ZNF473: variants seen among roughly 807,000 people sequenced by gnomAD.
ZNF473 encodes zinc finger protein 473, also known as zinc finger protein 100 homolog.
ZNF473 carries 4 observed loss-of-function variants against 11.1 expected under a neutral mutation model. The observed-to-expected ratio is 0.36, with a 90% confidence interval of 0.18 to 0.82. The LOEUF is 0.82. Among genes scored for constraint, ZNF473 ranks in the 40% least tolerant of loss-of-function variants. The probability of loss-of-function intolerance (pLI) is 0.49; values close to 1 mark genes in which losing one functional copy is unlikely to be tolerated. For missense variants in ZNF473, 854 were observed against 1,084.0 expected, an observed-to-expected ratio of 0.79 and a Z score of 2.98; for synonymous variants, 404 against 390.4, an observed-to-expected ratio of 1.03 and a Z score of -0.41.
chr19:50,036,825 A>G (rs1350799856), intron 2 of ZNF473, among the ~76,000 whole-genome samples: 1 of 152,190 alleles, frequency 6.6e-6, no homozygotes, highest in East Asian at 1.9e-4. Context: ...GACCCTCACC[A>G]GAGGCAGTCT....
chr19:50,030,277 G>A (rs918720501), intron 1 of ZNF473, among the ~76,000 whole-genome samples: 2 of 152,164 alleles, frequency 1.3e-5, no homozygotes, highest in African/African-American at 2.4e-5. Context: ...GGTGGCCCAC[G>A]AGGGCGGCTT....
chr19:50,026,883 G>A (rs543886535), intron 1 of ZNF473, among the ~76,000 whole-genome samples: 2 of 152,164 alleles, frequency 1.3e-5, no homozygotes, highest in Non-Finnish European at 2.9e-5. Context: ...TTTTGGTTTT[G>A]GTTGGGGAAG....
In ZNF473 at chr19:50,039,170, A is replaced by T; in HGVS notation, c.19A>T (p.Thr7Ser). The change falls in exon 3 of 5, where the codon ACC becomes TCC. Residue 7 changes from threonine (T) to serine (S), a missense_variant. Coordinates refer to ENST00000270617, the MANE Select transcript of ZNF473 (RefSeq NM_015428.4). The surrounding 1 kb of genome is among the most constrained non-coding windows in gnomAD (Gnocchi z 4.8). ...GTGTACTGTGTTTCAGGAATTTGTG[A>T]CCCTCAAGGATGTCGGCATGGACTT... MAEEFV[T>S]LKDVGMDFTL... 2 of 1,613,998 alleles carry T rather than the reference A, an allele frequency of 1.2e-6. No individual in the cohort carries two copies. Among genetic ancestry groups the T allele is most frequent in the Non-Finnish European group, 1.7e-6 (2 of 1,179,952 alleles).
At chr19:50,031,151 C>T in intron 2 of ZNF473, 60 bp downstream of exon 2, 1 of 1,552,380 alleles carries the variant, frequency 6.4e-7, no homozygotes, top group Admixed American at 1.9e-5. Context: ...AATTGGCCTT[C>T]CTTTGTGGCC....
intron 4 of ZNF473, among the ~76,000 whole-genome samples, chr19:50,043,734 T>TA (rs1398520556): frequency 6.6e-6 from 1 of 152,114 alleles, no homozygotes; most frequent in African/African-American, 2.4e-5. Context: ...GACCCTTTCA[T>TA]AACCTGTTAT....
At position 50,047,970 on chromosome 19, in the gene ZNF473, G is replaced by A. The variant is rs538585801; in HGVS notation, c.*911G>A. ...CTTAGGGGTCAAACCTGTGGTGTGT[G>A]GAAGTGACCACTGGGATGTCATCAT... On this transcript the variant is annotated 3_prime_UTR_variant, in exon 5 of 5. Coordinates refer to ENST00000270617, the MANE Select transcript of ZNF473 (RefSeq NM_015428.4). 9.2e-5 allele frequency: 14 copies of A among 152,320 alleles called. No individual in the cohort carries two copies. In the East Asian group the frequency reaches 2.1e-3, roughly 23 times the overall value. 9.4% of individuals were successfully genotyped at this position (152,320 alleles called of 1,614,324 possible).
intron 2 of ZNF473, among the ~76,000 whole-genome samples, chr19:50,032,977 C>T (rs1600752199): frequency 6.6e-6 from 1 of 152,184 alleles, no homozygotes; most frequent in South Asian, 2.1e-4. Context: ...TTAGGACCCA[C>T]CCTGATGACC....
Position 50,046,297 on chromosome 19 carries a change from G to A in ZNF473, c.1854G>A (p.Leu618=), listed in dbSNP as rs1979116790. The A allele has an allele frequency of 1.9e-6, 3 of 1,614,018 alleles. No individual in the cohort carries two copies. Among genetic ancestry groups the A allele is most frequent in the South Asian group, 1.1e-5 (1 of 91,082 alleles). ...HHQRIHSRVR[L]YKWGEQGKAI... ...AAAGAATCCACTCTAGAGTGAGGCTGTATAAATGGGGTGAGCAAGGGAAAG... is the reference window on the plus strand; with the variant it reads ...AAAGAATCCACTCTAGAGTGAGGCTATATAAATGGGGTGAGCAAGGGAAAG... Residue 618 remains leucine, a synonymous_variant, in exon 5 of 5, where the codon CTG becomes CTA. Transcript: ENST00000270617. The surrounding 1 kb of genome is among the most constrained non-coding windows in gnomAD (Gnocchi z 5.9).
intron 4 of ZNF473, chr19:50,042,211 C>T (rs1978816493): frequency 6.4e-6 from 1 of 155,144 alleles, no homozygotes; most frequent in African/African-American, 2.4e-5. Context: ...GCCCATTTTT[C>T]CTTCCTATCC....
intron 4 of ZNF473, among the ~76,000 whole-genome samples, chr19:50,044,310 C>A (rs541589827): frequency 6.6e-6 from 1 of 151,962 alleles, no homozygotes; most frequent in Non-Finnish European, 1.5e-5. Flanking sequence ...GTGGGGAGAG[C>A]GGGGTGTTGT....
intron 2 of ZNF473, among the ~76,000 whole-genome samples, chr19:50,032,204 C>T (rs773080856): frequency 1.2e-4 from 18 of 150,486 alleles, no homozygotes; most frequent in South Asian, 2.1e-4. Context: ...CCTTGTCCAG[C>T]GCAGTCTGGG....
Position 50,046,670 on chromosome 19 carries a change from G to A in ZNF473, c.2227G>A (p.Ala743Thr). The change falls in exon 5 of 5, where the codon GCT becomes ACT. Residue 743 changes from alanine to threonine, a missense_variant. Coordinates refer to ENST00000270617, the MANE Select transcript of ZNF473 (RefSeq NM_015428.4). The surrounding 1 kb of genome is among the most constrained non-coding windows in gnomAD (Gnocchi z 5.9). Reference protein sequence around the residue: ...DYCGKAFGLSAELVRHQRIHT... With the variant: ...DYCGKAFGLSTELVRHQRIHT... ...CTGCGGGAAGGCCTTCGGCCTGAGT[G>A]CTGAGCTTGTCCGCCACCAGAGAAT... 1 of 1,614,158 alleles carries A rather than the reference G, an allele frequency of 6.2e-7. No homozygotes were observed. The highest frequency in any genetic ancestry group is 1.1e-5 in the South Asian group (1 of 91,076).
At chr19:50,035,452 C>CGTGTGTGTGTGTGTGTGTGTGTGTGTGT (rs3222106) in intron 2 of ZNF473, among the ~76,000 whole-genome samples, 2 of 138,394 alleles carry the variant, frequency 1.4e-5, no homozygotes, top group Admixed American at 7.3e-5. Context: ...TTCTTTCATA[C>CGTGTGTGTGTGTGTGTGTGTGTGTGTGT]GTGTGTGTGT....
rs1227053802 is a variant in ZNF473, at chr19:50,046,798, C to T, written c.2355C>T (p.Pro785=). The change falls in exon 5 of 5, where the codon CCC becomes CCT. Residue 785 remains proline (P), a synonymous_variant. Coordinates refer to ENST00000270617, the MANE Select transcript of ZNF473 (RefSeq NM_015428.4). This position sits in a 1 kb window ranked among gnomAD's most constrained non-coding sequence, Gnocchi z 5.9. Reference sequence around the variant, plus strand: ...GGAGAGTTCACACTGGGGAGAAGCCCTACAGATGTGGTGAATGTGGGAAAG... The same window carrying T: ...GGAGAGTTCACACTGGGGAGAAGCCTTACAGATGTGGTGAATGTGGGAAAG... ...IHRRVHTGEK[P]YRCGECGKAF... 6.2e-7 allele frequency: 1 copy of T among 1,614,138 alleles called. No homozygotes were observed. Among genetic ancestry groups the T allele is most frequent in the East Asian group, 2.2e-5 (1 of 44,888 alleles).
Position 50,046,213 on chromosome 19 carries a change from C to G in ZNF473, c.1770C>G (p.Pro590=), listed in dbSNP as rs1171047118. 2 of 1,614,128 alleles carry G rather than the reference C, an allele frequency of 1.2e-6. No homozygotes were observed. The highest frequency in any genetic ancestry group is 2.7e-5 in the African/African-American group (2 of 75,030). The part of the protein sequence containing the change: ...HERIHTRGVK[P]FECDQCGKAF... The stretch of plus-strand genomic sequence containing the variant: ...GGATTCACACCAGGGGAGTGAAGCC[C>G]TTTGAATGTGACCAGTGTGGGAAAG... The change falls in exon 5 of 5, where the codon CCC becomes CCG. Residue 590 remains proline (P), a synonymous_variant. Transcript: ENST00000270617. The surrounding 1 kb of genome is among the most constrained non-coding windows in gnomAD (Gnocchi z 5.9).
rs770374207 is a variant in ZNF473 at position 50,041,833 on chromosome 19, G to T, written c.226+14G>T. 6.2e-7 allele frequency: 1 copy of T among 1,602,072 alleles called. No homozygotes were observed. The highest frequency in any genetic ancestry group is 1.4e-5 in the African/African-American group (1 of 73,880). On this transcript the variant is annotated intron_variant, in intron 4 of 4. Transcript: ENST00000270617. ...CAACAAGCCCTGGTGAGTGGATGGA[G>T]AGGGGCCCCTTGTGTACCTTCTGTC...
At chr19:50,034,688 C>G (rs1296316279) in intron 2 of ZNF473, among the ~76,000 whole-genome samples, 1 of 152,216 alleles carries the variant, frequency 6.6e-6, no homozygotes, top group Non-Finnish European at 1.5e-5. Flanking sequence ...CCATCCCCTT[C>G]TGTTCTCAGC....
chr19:50,035,992 CTG>C (rs1359264932), intron 2 of ZNF473, among the ~76,000 whole-genome samples: 1 of 151,784 alleles, frequency 6.6e-6, no homozygotes, highest in African/African-American at 2.4e-5. Context: ...GAGGGAGACT[CTG>C]TTTTCTAGGC....
intron 2 of ZNF473, among the ~76,000 whole-genome samples, chr19:50,036,314 C>CTTTTTTTTTT (rs35619461): frequency 2.0e-4 from 22 of 108,774 alleles, no homozygotes; most frequent in African/African-American, 8.8e-4. Context: ...GAGGTGGGGC[C>CTTTTTTTTTT]TTTTTTTTTT....
Sources: allele counts gnomAD v4.1 joint callset (sites outside exome capture counted in the v4.1 genomes callset), GRCh38; gene constraint gnomAD v4.1.1; non-coding constraint Gnocchi (gnomAD v3.1); transcripts MANE v1.5; gene names NCBI Gene and HGNC (gene_info 2026-07-23, HGNC 2026-07-21).